The following FNDC3A variants were observed in gnomAD, a reference collection of about 807,000 sequenced individuals.
FNDC3A encodes fibronectin type III domain containing 3A.
FNDC3A carries 32 observed loss-of-function variants against 148.9 expected under a neutral mutation model. That is an observed-to-expected ratio of 0.21 (90% CI 0.16 to 0.29). The LOEUF is 0.29. Among genes scored for constraint, FNDC3A ranks in the 10% least tolerant of loss-of-function variants. The probability of loss-of-function intolerance (pLI) is 1.00; values close to 1 mark genes in which losing one functional copy is unlikely to be tolerated. For synonymous variants in FNDC3A, 472 were observed against 473.6 expected, an observed-to-expected ratio of 1.00 and a Z score of 0.04; for missense variants, 1,191 against 1,452.8, an observed-to-expected ratio of 0.82 and a Z score of 2.93.
chr13:49,118,384 C>A (rs1211452484), intron 4 of FNDC3A, among the ~76,000 whole-genome samples: 1 of 152,184 alleles, frequency 6.6e-6, no homozygotes, highest in African/African-American at 2.4e-5. Context: ...CCCTTCGGTG[C>A]CTATACCACC....
At position 49,187,187 on chromosome 13, in the gene FNDC3A, A is replaced by G. The variant is rs1206685494; in HGVS notation, c.1822A>G (p.Asn608Asp). ...KYVVEMAEGS[N>D]GNKWEMIYSG... is the part of the protein sequence containing the mutation. ...TGTAGTGGAGATGGCAGAAGGTTCT[A>G]ACGGTATGAATGGATATTAAACACT... The change falls in exon 16 of 26, where the codon AAC becomes GAC. Residue 608 changes from asparagine (N) to aspartate (D), a missense_variant. Physicochemically the swap from Asn to Asp is conservative, Grantham distance 23. This residue lies in a region of FNDC3A where 751 missense variants were observed against 944.0 expected (regional missense o/e 0.80). Coordinates refer to ENST00000492622, the MANE Select transcript of FNDC3A (RefSeq NM_001079673.2). 1.9e-6 allele frequency: 3 copies of G among 1,599,778 alleles called. No homozygotes were observed. The highest frequency in any genetic ancestry group is 1.1e-5 in the South Asian group (1 of 90,746).
At chr13:49,158,646 G>T (rs1883882869) in intron 8 of FNDC3A, among the ~76,000 whole-genome samples, 1 of 152,112 alleles carries the variant, frequency 6.6e-6, no homozygotes, top group Non-Finnish European at 1.5e-5. Flanking sequence ...GTCTATTTTG[G>T]CTTTTGTTGC....
chr13:49,199,962 TAC>T (rs1886349643), intron 23 of FNDC3A, among the ~76,000 whole-genome samples: 1 of 152,224 alleles, frequency 6.6e-6, no homozygotes, highest in South Asian at 2.1e-4. Flanking sequence ...GTATTTTAAT[TAC>T]AGTGTTAACT....
intron 2 of FNDC3A, among the ~76,000 whole-genome samples, chr13:49,026,545 C>A (rs1268860680): frequency 6.6e-6 from 1 of 152,096 alleles, no homozygotes; most frequent in Non-Finnish European, 1.5e-5. Flanking sequence ...GTTCTGTCAC[C>A]CAGGCCAGAG....
At chr13:49,112,438 G>A (rs1036493446) in intron 3 of FNDC3A, among the ~76,000 whole-genome samples, 1 of 152,104 alleles carries the variant, frequency 6.6e-6, no homozygotes, top group Admixed American at 6.5e-5. Flanking sequence ...TCTGCCTAGA[G>A]GTATAAAGCA....
At chr13:49,073,773 A>ATATATATGTG (rs1491483064) in intron 2 of FNDC3A, among the ~76,000 whole-genome samples, 13 of 138,526 alleles carry the variant, frequency 9.4e-5, no homozygotes, top group African/African-American at 3.3e-4. Flanking sequence ...TATGTATATA[A>ATATATATGTG]TATATATGTG....
chr13:49,031,630 A>C (rs1275258498), intron 2 of FNDC3A, among the ~76,000 whole-genome samples: 1 of 152,110 alleles, frequency 6.6e-6, no homozygotes, highest in African/African-American at 2.4e-5. Context: ...TACAAAACTA[A>C]CTCAAAAATC....
At chr13:48,990,835 T>A (rs1246690265) in intron 1 of FNDC3A, among the ~76,000 whole-genome samples, 4 of 152,082 alleles carry the variant, frequency 2.6e-5, no homozygotes, top group African/African-American at 9.7e-5. Flanking sequence ...CCAGAGAAAT[T>A]GCAGATTTAT....
chr13:48,987,249 A>G (rs2137557846), intron 1 of FNDC3A, among the ~76,000 whole-genome samples: 1 of 152,378 alleles, frequency 6.6e-6, no homozygotes, highest in East Asian at 1.9e-4. Flanking sequence ...AGCTAGAGCT[A>G]TATGTGGAAC....
intron 13 of FNDC3A, among the ~76,000 whole-genome samples, chr13:49,176,648 A>G (rs1054635182): frequency 6.6e-6 from 1 of 152,112 alleles, no homozygotes; most frequent in Non-Finnish European, 1.5e-5. Context: ...AAAAATCAGA[A>G]AAAAAAACAT....
intron 2 of FNDC3A, among the ~76,000 whole-genome samples, chr13:49,058,801 C>A (rs1277517981): frequency 6.6e-6 from 1 of 152,190 alleles, no homozygotes; most frequent in Admixed American, 6.5e-5. Flanking sequence ...AGTATGTTGT[C>A]TATGGCTTTA....
intron 5 of FNDC3A, among the ~76,000 whole-genome samples, chr13:49,133,184 T>C (rs1340850464): frequency 6.6e-6 from 1 of 152,186 alleles, no homozygotes; most frequent in African/African-American, 2.4e-5. Context: ...AACAAGCCCC[T>C]AGGAGATGTT....
At chr13:49,114,413 C>A (rs1431418494) in intron 3 of FNDC3A, among the ~76,000 whole-genome samples, 1 of 106,634 alleles carries the variant, frequency 9.4e-6, no homozygotes, top group Admixed American at 9.2e-5. Context: ...TCCAACCTCC[C>A]CGCCCCCCAC....
chr13:49,113,670 G>T (rs1880731683), intron 3 of FNDC3A, among the ~76,000 whole-genome samples: 1 of 151,838 alleles, frequency 6.6e-6, no homozygotes, highest in African/African-American at 2.4e-5. Context: ...TCAGACCTTT[G>T]TTCTTATTCC....
chr13:49,059,413 A>T (rs546560239), intron 2 of FNDC3A, among the ~76,000 whole-genome samples: 20 of 152,220 alleles, frequency 1.3e-4, no homozygotes, highest in Non-Finnish European at 2.8e-4. Flanking sequence ...ATTGTCAGAG[A>T]TGTGAAAGAC....
chr13:48,986,743 A>T (rs1951813038), intron 1 of FNDC3A, among the ~76,000 whole-genome samples: 1 of 152,078 alleles, frequency 6.6e-6, no homozygotes, highest in Non-Finnish European at 1.5e-5. Flanking sequence ...GTATGATTAG[A>T]GGCAATCTTT....
chr13:49,149,600 T>C (rs1278658289), intron 8 of FNDC3A, among the ~76,000 whole-genome samples: 1 of 152,194 alleles, frequency 6.6e-6, no homozygotes, highest in Non-Finnish European at 1.5e-5. Flanking sequence ...AGTTTGCCAG[T>C]GTTTTGATGA....
intron 14 of FNDC3A, among the ~76,000 whole-genome samples, chr13:49,180,070 T>A (rs1396750684): frequency 6.6e-6 from 1 of 152,192 alleles, no homozygotes. Flanking sequence ...CATATCTGTG[T>A]CTCTGTATCT....
intron 14 of FNDC3A, among the ~76,000 whole-genome samples, chr13:49,179,426 G>A: frequency 6.6e-6 from 1 of 151,998 alleles, no homozygotes; most frequent in East Asian, 1.9e-4. Context: ...TAATTAATAA[G>A]TATTTTGTAA....
Sources: allele counts gnomAD v4.1 joint callset (sites outside exome capture counted in the v4.1 genomes callset), GRCh38; gene constraint gnomAD v4.1.1; regional missense constraint gnomAD v4.1.1; transcripts MANE v1.5; gene names NCBI Gene and HGNC (gene_info 2026-07-23, HGNC 2026-07-21).